TPRG1: variants seen among roughly 807,000 people sequenced by gnomAD.
The protein encoded by TPRG1 is tumor protein p63 regulated 1.
Under a neutral mutation model 29.3 loss-of-function variants are expected in TPRG1, and 29 were observed. The observed-to-expected ratio is 0.99, with a 90% confidence interval of 0.74 to 1.35. The LOEUF is 1.35. TPRG1 is among the 40% of genes most tolerant of loss of function. TPRG1 has a pLI of 0.00. For missense variants in TPRG1, 327 were observed against 335.0 expected (o/e 0.98, Z 0.19); for synonymous variants, 130 against 116.8 (o/e 1.11, Z -0.73).
chr3:189,051,768 T>A (rs1427965138), intron 4 of TPRG1, among the ~76,000 whole-genome samples: 1 of 152,030 alleles, frequency 6.6e-6, no homozygotes, highest in Non-Finnish European at 1.5e-5. Context: ...TGGAACAGAA[T>A]AGAGAACCCA....
chr3:189,283,036 A>G (rs991429828), intron 4 of TPRG1, among the ~76,000 whole-genome samples: 6 of 152,150 alleles, frequency 3.9e-5, no homozygotes, highest in Non-Finnish European at 8.8e-5. Flanking sequence ...TTTTATTATC[A>G]TTACCGAGTA....
At chr3:189,312,148 T>C (rs538901706) in intron 5 of TPRG1, among the ~76,000 whole-genome samples, 58 of 50,056 alleles carry the variant, frequency 1.2e-3, no homozygotes, top group African/African-American at 4.6e-3. Context: ...TTTCTTTCTT[T>C]CTTTCTTTCT....
intron 4 of TPRG1, among the ~76,000 whole-genome samples, chr3:189,249,194 T>C (rs1375866358): frequency 1.3e-5 from 2 of 151,796 alleles, no homozygotes; most frequent in Non-Finnish European, 2.9e-5. Flanking sequence ...TGATTTGTCA[T>C]AGATTGAGAT....
chr3:189,235,111 AC>A (rs1739250283), intron 3 of TPRG1, among the ~76,000 whole-genome samples: 1 of 152,092 alleles, frequency 6.6e-6, no homozygotes, highest in South Asian at 2.1e-4. Flanking sequence ...GTAGAGCTTG[AC>A]CCTGCAGAAA....
intron 1 of TPRG1, among the ~76,000 whole-genome samples, chr3:189,183,266 G>C (rs1453444328): frequency 6.6e-6 from 1 of 152,164 alleles, no homozygotes. Context: ...ACTTTCAAAA[G>C]GGGAGGGAGT....
At chr3:189,083,777 T>C (rs1477307580) in intron 4 of TPRG1, among the ~76,000 whole-genome samples, 2 of 152,176 alleles carry the variant, frequency 1.3e-5, no homozygotes, top group African/African-American at 4.8e-5. Flanking sequence ...CAGGTCCAGG[T>C]TCAAAACCCA....
intron 2 of TPRG1, among the ~76,000 whole-genome samples, chr3:189,208,048 A>G (rs910867252): frequency 6.6e-6 from 1 of 152,226 alleles, no homozygotes; most frequent in African/African-American, 2.4e-5. Context: ...TATTACAACG[A>G]GGGAGCAGGT....
intron 4 of TPRG1, among the ~76,000 whole-genome samples, chr3:189,024,403 C>G (rs771009484): frequency 3.9e-5 from 6 of 152,318 alleles, no homozygotes; most frequent in Admixed American, 1.3e-4. Flanking sequence ...CTGCCCCTCT[C>G]CCAGGGCACT....
At chr3:189,059,537 A>G (rs1715956740) in intron 4 of TPRG1, among the ~76,000 whole-genome samples, 2 of 152,096 alleles carry the variant, frequency 1.3e-5, no homozygotes, top group African/African-American at 4.8e-5. Context: ...GGTTGCAGTG[A>G]GCTGAGATCG....
intron 3 of TPRG1, among the ~76,000 whole-genome samples, chr3:189,139,472 A>T (rs1724228634): frequency 1.3e-5 from 2 of 152,210 alleles, no homozygotes. Context: ...GTTAGCTGTC[A>T]AACAGTGCGT....
At chr3:189,111,139 G>A (rs1364730704) in intron 1 of TPRG1, among the ~76,000 whole-genome samples, 1 of 151,634 alleles carries the variant, frequency 6.6e-6, no homozygotes. Flanking sequence ...TACTAGAATT[G>A]CATTGAATCT....
chr3:189,285,279 G>C (rs962668920), intron 4 of TPRG1, among the ~76,000 whole-genome samples: 3 of 152,182 alleles, frequency 2.0e-5, no homozygotes, highest in African/African-American at 7.2e-5. Context: ...TAAGAAGTTT[G>C]GGAAAGTGCT....
intron 4 of TPRG1, among the ~76,000 whole-genome samples, chr3:189,069,781 C>T (rs991709234): frequency 6.6e-6 from 1 of 152,122 alleles, no homozygotes; most frequent in African/African-American, 2.4e-5. Context: ...AACTGAGGAA[C>T]ATACATACTA....
At chr3:189,136,103 T>A (rs1723715578) in intron 3 of TPRG1, among the ~76,000 whole-genome samples, 1 of 152,230 alleles carries the variant, frequency 6.6e-6, no homozygotes, top group Non-Finnish European at 1.5e-5. Context: ...GAAATTTGAC[T>A]CCCTTCTTTC....
chr3:189,278,959 T>C (rs145961609), intron 4 of TPRG1, among the ~76,000 whole-genome samples: 231 of 152,346 alleles, frequency 1.5e-3, no homozygotes, highest in Non-Finnish European at 2.7e-3. Context: ...AGAGCAAAAC[T>C]CCATAAATGA....
intron 1 of TPRG1, among the ~76,000 whole-genome samples, chr3:189,115,149 G>T (rs538661004): frequency 1.3e-5 from 2 of 152,288 alleles, no homozygotes; most frequent in South Asian, 2.1e-4. Context: ...TTCAGGGGGT[G>T]GAGCACAAAA....
At chr3:189,193,185 GAGTGC>G (rs1731986843) in intron 1 of TPRG1, among the ~76,000 whole-genome samples, 1 of 131,294 alleles carries the variant, frequency 7.6e-6, no homozygotes, top group Non-Finnish European at 1.6e-5. Flanking sequence ...ACTCAGATTG[GAGTGC>G]AGTGGCATAA....
At chr3:189,155,088 C>T (rs760058614) in intron 5 of TPRG1, among the ~76,000 whole-genome samples, 72 of 152,120 alleles carry the variant, frequency 4.7e-4, no homozygotes, top group Non-Finnish European at 8.1e-4. Flanking sequence ...AAGGGACCCA[C>T]GTGGAGGCTA....
At chr3:189,084,817 C>T (rs115046453) in intron 4 of TPRG1, among the ~76,000 whole-genome samples, 2,072 of 152,326 alleles carry the variant, frequency 0.014, 44 homozygotes, top group African/African-American at 0.045. Context: ...TAAGTCCACA[C>T]AGTTGCTACA....
Sources: allele counts gnomAD v4.1 joint callset (sites outside exome capture counted in the v4.1 genomes callset), GRCh38; gene constraint gnomAD v4.1.1; transcripts MANE v1.5; gene names NCBI Gene and HGNC (gene_info 2026-07-23, HGNC 2026-07-21).